NTRK3: variants seen among roughly 807,000 people sequenced by gnomAD.
The protein encoded by NTRK3 is NT-3 growth factor receptor.
A neutral mutation model predicts 91.7 loss-of-function variants in NTRK3; 24 were observed. That is an observed-to-expected ratio of 0.26 (90% CI 0.19 to 0.37). The LOEUF (loss-of-function observed/expected upper bound fraction) is 0.37. Ranked by LOEUF, NTRK3 falls within the 10% of genes least tolerant of loss-of-function variation. The pLI is 1.00. For synonymous variants in NTRK3, 483 were observed against 404.0 expected (o/e 1.20, Z -2.34); for missense variants, 880 against 1,068.9 (o/e 0.82, Z 2.46).
At chr15:88,137,523 A>C (rs1205135637) in exon 7 of NTRK3, 2 of 1,614,026 alleles carry the variant, frequency 1.2e-6, no homozygotes. Context: ...CATCCAGCGG[A>C]TGTCACAGCT....
chr15:88,055,213 A>T (rs1597025600), intron 13 of NTRK3, among the ~76,000 whole-genome samples: 1 of 151,942 alleles, frequency 6.6e-6, no homozygotes, highest in South Asian at 2.1e-4. Flanking sequence ...GTCTCTCTTC[A>T]CCCTCCCCAC....
chr15:88,198,828 G>A (rs766180690), intron 3 of NTRK3, among the ~76,000 whole-genome samples: 2 of 152,090 alleles, frequency 1.3e-5, no homozygotes, highest in Non-Finnish European at 2.9e-5. Flanking sequence ...CCAATGCCAA[G>A]GGCCCAAGAA....
intron 14 of NTRK3, among the ~76,000 whole-genome samples, chr15:88,001,906 C>T (rs1006953849): frequency 1.3e-5 from 2 of 152,082 alleles, no homozygotes; most frequent in African/African-American, 4.8e-5. Context: ...GTGGTTAAAT[C>T]TGCAGGTCAA....
At chr15:88,034,761 C>CT (rs1247296246) in intron 13 of NTRK3, among the ~76,000 whole-genome samples, 1 of 152,234 alleles carries the variant, frequency 6.6e-6, no homozygotes, top group African/African-American at 2.4e-5. Context: ...CACAGACAGG[C>CT]TTATTCCAAT....
In NTRK3 at chr15:88,141,159, C is replaced by A. The variant is rs376168463; in HGVS notation, c.465-3598G>T. 3.3e-5 allele frequency among the ~76,000 whole-genome samples: 5 copies of A among 152,216 alleles called. No individual in the cohort carries two copies. In the East Asian group the frequency reaches 9.7e-4, roughly 29 times the overall value. ...AGAAGGGGAAAGGGAAGGATCAAGT[C>A]AAGAAGCCTTGGAGGTGTTGCCTTG... On this transcript the variant is annotated intron_variant, in intron 6 of 18. Transcript: ENST00000394480.
chr15:88,028,244 T>C (rs80236738), intron 14 of NTRK3, among the ~76,000 whole-genome samples: 4,014 of 152,228 alleles, frequency 0.026, 87 homozygotes, highest in Non-Finnish European at 0.036. Context: ...TGTTCAGCTA[T>C]GGTTGGACGT....
At chr15:87,867,010 A>T (rs1394789388) in exon 19 of NTRK3, 3 of 220,822 alleles carry the variant, frequency 1.4e-5, no homozygotes, top group African/African-American at 2.2e-5. Flanking sequence ...AGAAAACAAC[A>T]GAGGAAATTA....
At chr15:88,153,361 G>A (rs750383010) in intron 5 of NTRK3, among the ~76,000 whole-genome samples, 10 of 152,024 alleles carry the variant, frequency 6.6e-5, no homozygotes, top group African/African-American at 9.7e-5. Flanking sequence ...TTCTGCCTAC[G>A]CCTCCCGAGT....
chr15:87,956,393 C>A (rs1472039782), intron 14 of NTRK3, among the ~76,000 whole-genome samples: 1 of 152,162 alleles, frequency 6.6e-6, no homozygotes, highest in Non-Finnish European at 1.5e-5. Flanking sequence ...CCTGCCTCAG[C>A]CTCCTGAGTA....
At chr15:88,075,832 T>C (rs1419757498) in intron 13 of NTRK3, among the ~76,000 whole-genome samples, 1 of 152,244 alleles carries the variant, frequency 6.6e-6, no homozygotes, top group Non-Finnish European at 1.5e-5. Context: ...TACTACTTGC[T>C]GACCATGTGC....
At position 88,063,348 on chromosome 15, in the gene NTRK3, T is replaced by C. The variant is rs140269676; in HGVS notation, c.1397-30303A>G. Among the ~76,000 whole-genome samples the C allele has an allele frequency of 1.2e-3, 187 of 152,338 alleles. 1 individual carries two copies. Among genetic ancestry groups the C allele is most frequent in the African/African-American group, 4.3e-3 (177 of 41,578 alleles). Reference sequence around the variant, plus strand: ...GAGCTGTTGGTGGCTCTCTAAACTGTCCTGTTCTCTCAAGTCTCCCATTTT... The same window carrying C: ...GAGCTGTTGGTGGCTCTCTAAACTGCCCTGTTCTCTCAAGTCTCCCATTTT... On this transcript the variant is annotated intron_variant, in intron 13 of 18. Coordinates refer to ENST00000394480, the Ensembl canonical transcript of NTRK3.
At chr15:88,101,984 G>A (rs2050221871) in intron 13 of NTRK3, among the ~76,000 whole-genome samples, 2 of 151,974 alleles carry the variant, frequency 1.3e-5, no homozygotes. Context: ...CCTGCACGTT[G>A]TACACATGTA....
In NTRK3 at chr15:88,135,762, T is replaced by TA. The variant is rs1029465592; in HGVS notation, c.907+136dup. On this transcript the variant is annotated intron_variant, in intron 9 of 18. Transcript: ENST00000394480. Reference sequence around the variant, plus strand: ...AAGGACTTACTTCTCAGTCCTGCCCTACAAGAGTCCTTCTGTCCCTACTGG... The same window carrying TA: ...AAGGACTTACTTCTCAGTCCTGCCCTAACAAGAGTCCTTCTGTCCCTACTGG... The TA allele has an allele frequency of 4.2e-5, 51 of 1,200,236 alleles. No homozygotes were observed. The African/African-American group carries it at 6.8e-4, about 16-fold the overall frequency. The allele number at this position is 1,200,236 out of a possible 1,614,324, so 74.3% of individuals were successfully genotyped here.
At chr15:88,018,859 G>C (rs1032141296) in intron 14 of NTRK3, among the ~76,000 whole-genome samples, 1 of 152,072 alleles carries the variant, frequency 6.6e-6, no homozygotes, top group Non-Finnish European at 1.5e-5. Flanking sequence ...CAAGTTCAGA[G>C]CCTGGCCCTT....
chr15:88,151,176 C>T (rs920847219), intron 5 of NTRK3, among the ~76,000 whole-genome samples: 18 of 152,182 alleles, frequency 1.2e-4, no homozygotes, highest in African/African-American at 4.3e-4. Context: ...GATGATGCAT[C>T]AAACTCTTCC....
At chr15:88,201,241 G>T (rs571378817) in intron 3 of NTRK3, among the ~76,000 whole-genome samples, 1 of 152,304 alleles carries the variant, frequency 6.6e-6, no homozygotes, top group Non-Finnish European at 1.5e-5. Flanking sequence ...CAGCTGGTTA[G>T]TTTCCCTTTG....
intron 13 of NTRK3, among the ~76,000 whole-genome samples, chr15:88,048,990 G>A (rs1031658366): frequency 2.0e-5 from 3 of 152,178 alleles, no homozygotes; most frequent in Non-Finnish European, 2.9e-5. Context: ...CAACACTGAC[G>A]AAATGAAATG....
intron 13 of NTRK3, among the ~76,000 whole-genome samples, chr15:88,075,060 T>C (rs2047414997): frequency 6.6e-6 from 1 of 152,222 alleles, no homozygotes; most frequent in Admixed American, 6.5e-5. Context: ...ATAAGGCACC[T>C]CACATTTCCA....
intron 14 of NTRK3, among the ~76,000 whole-genome samples, chr15:87,968,554 G>A (rs139892334): frequency 6.6e-6 from 1 of 152,212 alleles, no homozygotes; most frequent in South Asian, 2.1e-4. Flanking sequence ...GGAAAGAAAC[G>A]AAAGTATTGA....
Sources: allele counts gnomAD v4.1 joint callset (sites outside exome capture counted in the v4.1 genomes callset), GRCh38; gene constraint gnomAD v4.1.1; transcripts MANE v1.5; gene names NCBI Gene and HGNC (gene_info 2026-07-23, HGNC 2026-07-21).